Variants in STYK1 observed in about 807,000 individuals in gnomAD.
The protein encoded by STYK1 is tyrosine-protein kinase STYK1.
Under a neutral mutation model 48.1 loss-of-function variants are expected in STYK1, and 46 were observed. The ratio of observed to expected loss-of-function variants is 0.96; its 90% CI spans 0.75 to 1.22. The LOEUF is 1.22. Ranked by LOEUF, STYK1 falls within the 50% of genes most tolerant of loss-of-function variation. The pLI is 0.00. For synonymous variants in STYK1, 188 were observed against 189.0 expected (o/e 0.99, Z 0.04); for missense variants, 527 against 521.1 (o/e 1.01, Z -0.11).
rs768420578 is a variant in STYK1 at position 10,620,188 on chromosome 12, C to T, written c.1225G>A (p.Gly409Ser). 63 of 1,614,114 alleles carry T rather than the reference C, an allele frequency of 3.9e-5. No homozygotes were observed. The highest frequency in any genetic ancestry group is 4.7e-5 in the Non-Finnish European group (55 of 1,180,054). Reference sequence around the variant, plus strand: ...TAGAAGAGGCTCTCCACTCTGATGCCGGCCACAGCTGCATACAGTTCAGGT... The same window carrying T: ...TAGAAGAGGCTCTCCACTCTGATGCTGGCCACAGCTGCATACAGTTCAGGT... ...VVPELYAAVA[G>S]IRVESLFYNY... Residue 409 changes from glycine to serine, a missense_variant, in exon 11 of 11, where the codon GGC (glycine) becomes AGC (serine). By Grantham distance (56) the Gly-to-Ser change is moderately conservative. Coordinates refer to ENST00000075503, the MANE Select transcript of STYK1 (RefSeq NM_018423.3).
At chr12:10,642,968 G>A (rs1947561326) in intron 1 of STYK1, among the ~76,000 whole-genome samples, 1 of 152,044 alleles carries the variant, frequency 6.6e-6, no homozygotes, top group African/African-American at 2.4e-5. Flanking sequence ...CTTATATGCT[G>A]GCTAATTTCC....
In STYK1 at chr12:10,650,294, G is replaced by A. The variant is rs139670552; in HGVS notation, c.-194-13098C>T. Among the ~76,000 whole-genome samples the A allele has an allele frequency of 4.3e-3, 660 of 152,190 alleles. 1 individual carries two copies. The highest frequency in any genetic ancestry group is 0.01 in the Middle Eastern group (3 of 294). On this transcript the variant is annotated intron_variant, in intron 1 of 10. Coordinates refer to ENST00000075503, the MANE Select transcript of STYK1 (RefSeq NM_018423.3). ...AAGGAGAAAGAATAAAAGAACCAGTGTCAGAGTTAGGGGTGGATTTATCTT... is the reference window on the plus strand; with the variant it reads ...AAGGAGAAAGAATAAAAGAACCAGTATCAGAGTTAGGGGTGGATTTATCTT...
At chr12:10,652,933 A>G (rs1489793278) in intron 1 of STYK1, among the ~76,000 whole-genome samples, 1 of 152,214 alleles carries the variant, frequency 6.6e-6, no homozygotes, top group Non-Finnish European at 1.5e-5. Flanking sequence ...TTATTTCTCA[A>G]TGGAAAGTTC....
At chr12:10,628,511 A>G (rs867579799) in intron 6 of STYK1, among the ~76,000 whole-genome samples, 2 of 152,220 alleles carry the variant, frequency 1.3e-5, no homozygotes, top group African/African-American at 4.8e-5. Context: ...CTCTTTAAAA[A>G]GTTTAAAATG....
In STYK1 at chr12:10,619,858, A is replaced by G; in HGVS notation, c.*286T>C. The stretch of plus-strand genomic sequence containing the variant: ...ATGAGCTTATTTGTGCCATGCCCCA[A>G]CAAATACTGCAGAGTTCTAAAACCT... On this transcript the variant is annotated 3_prime_UTR_variant, in exon 11 of 11. Coordinates refer to ENST00000075503, the MANE Select transcript of STYK1 (RefSeq NM_018423.3). 1 of 452,510 alleles carries G rather than the reference A, an allele frequency of 2.2e-6. No homozygotes were observed. The highest frequency in any genetic ancestry group is 3.9e-6 in the Non-Finnish European group (1 of 257,864). The allele number at this position is 452,510 out of a possible 1,614,324, so 28.0% of individuals were successfully genotyped here. A position where few individuals can be genotyped will look rare whatever the true frequency, so the allele number is the denominator to read the frequency against.
At chr12:10,644,157 G>A (rs140722521) in intron 1 of STYK1, among the ~76,000 whole-genome samples, 145 of 152,274 alleles carry the variant, frequency 9.5e-4, no homozygotes, top group African/African-American at 3.4e-3. Flanking sequence ...ACAGAAAATA[G>A]ATCAGTGTTT....
chr12:10,638,383 G>C (rs1169883161), intron 1 of STYK1, among the ~76,000 whole-genome samples: 1 of 152,116 alleles, frequency 6.6e-6, no homozygotes, highest in African/African-American at 2.4e-5. Flanking sequence ...ATCCTGAGAA[G>C]AAACAGTGCA....
At chr12:10,649,835 G>A (rs909721141) in intron 1 of STYK1, among the ~76,000 whole-genome samples, 3 of 152,144 alleles carry the variant, frequency 2.0e-5, no homozygotes, top group East Asian at 1.9e-4. Flanking sequence ...GCTTCAGGCC[G>A]GGAGCAGTGG....
intron 1 of STYK1, among the ~76,000 whole-genome samples, chr12:10,663,036 C>T (rs4561286): frequency 0.55 from 82,956 of 152,044 alleles, 23,329 homozygotes; most frequent in East Asian, 0.77. Context: ...TTCTTTTGCA[C>T]GTGAATATCC....
chr12:10,647,287 A>G (rs1048347533), intron 1 of STYK1, among the ~76,000 whole-genome samples: 1 of 152,232 alleles, frequency 6.6e-6, no homozygotes, highest in Non-Finnish European at 1.5e-5. Context: ...GCCCAAGACC[A>G]TGGGAACCCC....
chr12:10,628,278 CAT>C (rs944305503), intron 6 of STYK1, among the ~76,000 whole-genome samples: 30 of 152,210 alleles, frequency 2.0e-4, no homozygotes, highest in African/African-American at 6.7e-4. Context: ...GCTAAGAGAG[CAT>C]ATGATGGTGG....
chr12:10,659,985 T>C (rs1365771312), intron 1 of STYK1, among the ~76,000 whole-genome samples: 1 of 152,166 alleles, frequency 6.6e-6, no homozygotes, highest in African/African-American at 2.4e-5. Context: ...CAGTGATCTC[T>C]GACTGCAGCT....
At chr12:10,628,734 C>A (rs573280719) in intron 6 of STYK1, among the ~76,000 whole-genome samples, 2 of 152,264 alleles carry the variant, frequency 1.3e-5, no homozygotes, top group South Asian at 4.1e-4. Flanking sequence ...AAAGGACATC[C>A]ATTTGAGGCT....
chr12:10,668,967 G>C (rs1002054862), intron 1 of STYK1, among the ~76,000 whole-genome samples: 11 of 152,252 alleles, frequency 7.2e-5, no homozygotes, highest in African/African-American at 2.6e-4. Context: ...ACTAGAGACT[G>C]GCTGAGCCTG....
At chr12:10,655,249 C>T (rs10845190) in intron 1 of STYK1, among the ~76,000 whole-genome samples, 43,638 of 152,048 alleles carry the variant, frequency 0.29, 7,924 homozygotes, top group East Asian at 0.7. Flanking sequence ...TCTCTCTCAT[C>T]TTGTTTTATA....
intron 1 of STYK1, among the ~76,000 whole-genome samples, chr12:10,644,267 A>C (rs1331318059): frequency 6.6e-6 from 1 of 152,228 alleles, no homozygotes; most frequent in East Asian, 1.9e-4. Context: ...GGTGAAAATT[A>C]CATGAGTCTA....
At chr12:10,629,416 T>A in intron 6 of STYK1, 77 bp downstream of exon 6, 1 of 1,457,860 alleles carries the variant, frequency 6.9e-7, no homozygotes, top group Non-Finnish European at 9.5e-7. Context: ...TTGTCATTTG[T>A]CACACTAACT....
rs1252167908 is a variant in STYK1, at chr12:10,634,697, A to G, written c.-68-11T>C. ...AGCTGTGAGTAATTCCTAAGGATTG[A>G]GTGGTTTTTGAAAAAAATAAAATGA... On this transcript the variant is annotated splice_polypyrimidine_tract_variant and intron_variant, in intron 2 of 10. Transcript: ENST00000075503. 6.5e-7 allele frequency: 1 copy of G among 1,529,086 alleles called. No homozygotes were observed. The highest frequency in any genetic ancestry group is 1.4e-5 in the African/African-American group (1 of 72,002). 94.7% of individuals were successfully genotyped at this position (1,529,086 alleles called of 1,614,324 possible).
intron 1 of STYK1, among the ~76,000 whole-genome samples, chr12:10,641,194 C>G (rs866126125): frequency 3.3e-5 from 5 of 152,262 alleles, no homozygotes; most frequent in Admixed American, 2.0e-4. Context: ...ACTCACAACG[C>G]CACCCCCACT....
Sources: allele counts gnomAD v4.1 joint callset (sites outside exome capture counted in the v4.1 genomes callset), GRCh38; gene constraint gnomAD v4.1.1; transcripts MANE v1.5; gene names NCBI Gene and HGNC (gene_info 2026-07-23, HGNC 2026-07-21).